The following MYBBP1A variants were observed in gnomAD, a reference collection of about 807,000 sequenced individuals.
MYBBP1A encodes MYB binding protein 1a, also known as myb-binding protein 1A.
In MYBBP1A, 147 loss-of-function variants were observed where a neutral mutation model predicts 136.3. The ratio of observed to expected loss-of-function variants is 1.08; its 90% CI spans 0.94 to 1.24. MYBBP1A has a LOEUF of 1.24. MYBBP1A is among the 50% of genes most tolerant of loss of function. MYBBP1A has a pLI of 0.00. For synonymous variants in MYBBP1A, 947 were observed against 735.8 expected (o/e 1.29, Z -4.65); for missense variants, 2,060 against 1,727.4 (o/e 1.19, Z -3.41).
At position 4,539,395 on chromosome 17, in the gene MYBBP1A, A is replaced by AG. The variant is rs749559751; in HGVS notation, c.*19dup. On this transcript the variant is annotated 3_prime_UTR_variant, in exon 26 of 26. Transcript: ENST00000254718. Reference sequence around the variant, plus strand: ...CTCAGGCAGATGGAGGCAGGGGCTGAGGGGGGCCCGTACCTGTGCTCAGGG... The same window carrying AG: ...CTCAGGCAGATGGAGGCAGGGGCTGAGGGGGGGCCCGTACCTGTGCTCAGGG... The AG allele has an allele frequency of 7.3e-5, 114 of 1,568,620 alleles. No homozygotes were observed. In the African/African-American group the frequency reaches 1.3e-3, roughly 18 times the overall value.
rs1324164354 is a variant in MYBBP1A, at chr17:4,552,072, G to A, written c.905+53C>T. 8.1e-6 allele frequency: 13 copies of A among 1,600,240 alleles called. No homozygotes were observed. The highest frequency in any genetic ancestry group is 1.1e-5 in the Non-Finnish European group (13 of 1,172,424). ...TGGGAACCTCAGGACTAGTGGCCTA[G>A]CCCACTTCACGGACAGGGAAGGGGG... On this transcript the variant is annotated intron_variant, in intron 7 of 25. Transcript: ENST00000254718. The surrounding 1 kb of genome is among the most constrained non-coding windows in gnomAD (Gnocchi z 4.7).
Position 4,553,907 on chromosome 17 carries a change from G to A in MYBBP1A, c.464C>T (p.Ala155Val), listed in dbSNP as rs1161638247. Reference sequence around the variant, plus strand: ...CAGCAGCTTCACCGACTTCATCAGTGCCTCCTGGTCCTGGTCCCCACAGAG... The same window carrying A: ...CAGCAGCTTCACCGACTTCATCAGTACCTCCTGGTCCTGGTCCCCACAGAG... ...QSGRLVKDQE[A>V]LMKSVKLLQA... The change falls in exon 5 of 26, where the codon GCA becomes GTA. Residue 155 changes from alanine (A) to valine (V), a missense_variant. Physicochemically the swap from Ala to Val is moderately conservative, Grantham distance 64. Transcript: ENST00000254718. 1.2e-6 allele frequency: 2 copies of A among 1,614,026 alleles called. No homozygotes were observed. The highest frequency in any genetic ancestry group is 1.7e-6 in the Non-Finnish European group (2 of 1,179,992).
At position 4,541,491 on chromosome 17, in the gene MYBBP1A, T is replaced by C. The variant is rs746066470; in HGVS notation, c.3269A>G (p.Asn1090Ser). ...QQALSSLELL[N>S]VLFRTCKHEK... ...ATGTTTGCAGGTCCTGAAGAGAACG[T>C]TGAGCAGCTCCAGGGAGGACAGTGC... Residue 1090 changes from asparagine (N) to serine (S), a missense_variant, in exon 24 of 26, where the codon AAC (asparagine) becomes AGC (serine). Asn to Ser is a conservative substitution (Grantham distance 46). Transcript: ENST00000254718. 73 of 1,613,426 alleles carry C rather than the reference T, an allele frequency of 4.5e-5. No individual in the cohort carries two copies. The highest frequency in any genetic ancestry group is 5.8e-5 in the Non-Finnish European group (68 of 1,180,024).
At position 4,539,405 on chromosome 17, in the gene MYBBP1A, G is replaced by T. The variant is rs370984190; in HGVS notation, c.*10C>A. On this transcript the variant is annotated 3_prime_UTR_variant, in exon 26 of 26. Coordinates refer to ENST00000254718, the MANE Select transcript of MYBBP1A (RefSeq NM_014520.4). Reference sequence around the variant, plus strand: ...TGGAGGCAGGGGCTGAGGGGGGCCCGTACCTGTGCTCAGGGCTTCCCTGCC... The same window carrying T: ...TGGAGGCAGGGGCTGAGGGGGGCCCTTACCTGTGCTCAGGGCTTCCCTGCC... The T allele has an allele frequency of 7.5e-6, 12 of 1,599,524 alleles. No homozygotes were observed. The highest frequency in any genetic ancestry group is 9.4e-6 in the Non-Finnish European group (11 of 1,170,706).
Position 4,542,943 on chromosome 17 carries a change from A to G in MYBBP1A, c.2862T>C (p.Thr954=), listed in dbSNP as rs148530760. The G allele has an allele frequency of 1.2e-6, 2 of 1,613,908 alleles. No individual in the cohort carries two copies. Among genetic ancestry groups the G allele is most frequent in the Non-Finnish European group, 1.7e-6 (2 of 1,180,006 alleles). Residue 954 remains threonine, a synonymous_variant, in exon 20 of 26, where the codon ACT becomes ACC. Transcript: ENST00000254718. ...GGCCCGTGGGCATGTGGCTGGGGTCAGTGCCAGCTTTCTGCTTCTCCTGTG... is the reference window on the plus strand; with the variant it reads ...GGCCCGTGGGCATGTGGCTGGGGTCGGTGCCAGCTTTCTGCTTCTCCTGTG... ...HETQEKQKAG[T]DPSHMPTGPQ...
At chr17:4,547,356 A>G (rs1907099158) in intron 13 of MYBBP1A, among the ~76,000 whole-genome samples, 1 of 152,114 alleles carries the variant, frequency 6.6e-6, no homozygotes, top group African/African-American at 2.4e-5. Flanking sequence ...TGACGTCAAG[A>G]ATTGGAAGGG....
At position 4,552,730 on chromosome 17, in the gene MYBBP1A, GTCA is replaced by G; in HGVS notation, c.562-107_562-105del. 7 of 1,050,548 alleles carry G rather than the reference GTCA, an allele frequency of 6.7e-6. No homozygotes were observed. Among genetic ancestry groups the G allele is most frequent in the Non-Finnish European group, 8.1e-6 (6 of 737,396 alleles). The allele number at this position is 1,050,548 out of a possible 1,614,324, so 65.1% of individuals were successfully genotyped here. On this transcript the variant is annotated intron_variant, in intron 5 of 25. Coordinates refer to ENST00000254718, the MANE Select transcript of MYBBP1A (RefSeq NM_014520.4). This position sits in a 1 kb window ranked among gnomAD's most constrained non-coding sequence, Gnocchi z 4.7. ...CGGGGCCACCTGGTGAGGTATCAGA[GTCA>G]TCAGAGGCCAGTTGCTAACAAAACT...
chr17:4,544,986 G>GCCCGGCCCCCC, intron 17 of MYBBP1A, 40 bp downstream of exon 17: 1 of 1,464,168 alleles, frequency 6.8e-7, no homozygotes, highest in Non-Finnish European at 9.1e-7. Flanking sequence ...GGACACCCGA[G>GCCCGGCCCCCC]CCCTCCCCGG....
intron 15 of MYBBP1A, 118 bp from the exon 16 acceptor site, chr17:4,545,463 G>A (rs1170438536): frequency 5.3e-6 from 8 of 1,500,106 alleles, no homozygotes; most frequent in African/African-American, 1.4e-5. Context: ...AGGAGAGGCG[G>A]CCAGGCCAGG....
chr17:4,540,074 G>A, intron 25 of MYBBP1A, 107 bp from the exon 26 acceptor site: 2 of 1,349,934 alleles, frequency 1.5e-6, no homozygotes, highest in Non-Finnish European at 2.0e-6. Context: ...AGGCCCCTAG[G>A]TTCTGTGAGG....
Position 4,539,662 on chromosome 17 carries a change from T to A in MYBBP1A, c.3740A>T (p.Lys1247Ile), listed in dbSNP as rs1284897440. 1 of 1,610,564 alleles carries A rather than the reference T, an allele frequency of 6.2e-7. No homozygotes were observed. Among genetic ancestry groups the A allele is most frequent in the African/African-American group, 1.3e-5 (1 of 74,604 alleles). The change falls in exon 26 of 26, where the codon AAA (lysine) becomes ATA (isoleucine). Residue 1247 changes from lysine (K) to isoleucine (I), a missense_variant. Coordinates refer to ENST00000254718, the MANE Select transcript of MYBBP1A (RefSeq NM_014520.4). ...APTRSPSTPA[K>I]SPKLQKKNQK... The stretch of plus-strand genomic sequence containing the variant: ...GTTTTTCTTCTGCAGTTTTGGGGAT[T>A]TGGCAGGGGTGCTGGGGCTCCGGGT...
chr17:4,544,429 G>C, intron 19 of MYBBP1A, 60 bp downstream of exon 19: 1 of 1,534,202 alleles, frequency 6.5e-7, no homozygotes. Flanking sequence ...CTAGAGCTCT[G>C]GCTCTCCTGC....
At chr17:4,541,078 C>A (rs1376254789) in intron 24 of MYBBP1A, among the ~76,000 whole-genome samples, 1 of 152,252 alleles carries the variant, frequency 6.6e-6, no homozygotes, top group Non-Finnish European at 1.5e-5. Context: ...TGCCTCCCAG[C>A]CCTGCCCTGA....
rs555080780 is a variant in MYBBP1A at position 4,553,198 on chromosome 17, G to A, written c.562-572C>T. On this transcript the variant is annotated intron_variant, in intron 5 of 25. Coordinates refer to ENST00000254718, the MANE Select transcript of MYBBP1A (RefSeq NM_014520.4). Reference sequence around the variant, plus strand: ...ATTTCATACACGAGGAGCCCTAGGTGGAGAGCTGGGATTCGAATTCAGGTC... The same window carrying A: ...ATTTCATACACGAGGAGCCCTAGGTAGAGAGCTGGGATTCGAATTCAGGTC... Among the ~76,000 whole-genome samples, 510 of 152,328 alleles carry A rather than the reference G, an allele frequency of 3.3e-3. 4 individuals carry two copies. Among genetic ancestry groups the A allele is most frequent in the African/African-American group, 0.011 (476 of 41,564 alleles).
At position 4,542,914 on chromosome 17, in the gene MYBBP1A, T is replaced by C. The variant is rs923021605; in HGVS notation, c.2891A>G (p.Gln964Arg). ...GCTCCTGGGCCAGGCCCTGCTCACC[T>C]GCGGGCCCGTGGGCATGTGGCTGGG... ...TDPSHMPTGP[Q>R]AASCLDLNLV... The change falls in exon 20 of 26, where the codon CAG becomes CGG. Residue 964 changes from glutamine to arginine, a missense_variant and splice_region_variant. Physicochemically the swap from Gln to Arg is conservative, Grantham distance 43. Coordinates refer to ENST00000254718, the MANE Select transcript of MYBBP1A (RefSeq NM_014520.4). 1.2e-6 allele frequency: 2 copies of C among 1,613,782 alleles called. No individual in the cohort carries two copies. The highest frequency in any genetic ancestry group is 1.7e-6 in the Non-Finnish European group (2 of 1,179,936).
chr17:4,553,994 C>T (rs573142261), intron 4 of MYBBP1A, 25 bp downstream of exon 4: 2 of 1,613,708 alleles, frequency 1.2e-6, no homozygotes, highest in East Asian at 2.2e-5. Flanking sequence ...AGCCTACATT[C>T]CCCCAGTCCC....
At position 4,548,389 on chromosome 17, in the gene MYBBP1A, G is replaced by T. The variant is rs1224896757; in HGVS notation, c.1557-79C>A. Reference sequence around the variant, plus strand: ...CCTCCCTCCGCCCTCCCCAGGGCTCGGTCTCCCGCCTCTCCAGGACCTACT... The same window carrying T: ...CCTCCCTCCGCCCTCCCCAGGGCTCTGTCTCCCGCCTCTCCAGGACCTACT... On this transcript the variant is annotated intron_variant, in intron 11 of 25. Transcript: ENST00000254718. The surrounding 1 kb of genome is among the most constrained non-coding windows in gnomAD (Gnocchi z 4.2). 1 of 1,599,848 alleles carries T rather than the reference G, an allele frequency of 6.3e-7. No individual in the cohort carries two copies. Among genetic ancestry groups the T allele is most frequent in the Non-Finnish European group, 8.5e-7 (1 of 1,170,990 alleles).
chr17:4,541,550 C>A lies in MYBBP1A; in HGVS notation c.3210G>T (p.Leu1070=), dbSNP rs557472707. 3 of 1,612,714 alleles carry A rather than the reference C, an allele frequency of 1.9e-6. No individual in the cohort carries two copies. The highest frequency in any genetic ancestry group is 3.3e-5 in the Admixed American group (2 of 60,028). Residue 1070 remains leucine (L), a synonymous_variant, in exon 24 of 26, where the codon CTG becomes CTT. Transcript: ENST00000254718. The stretch of plus-strand genomic sequence containing the variant: ...GCTGCGCCTTGGTCTGCGCCTCCCC[C>A]AGCACGCGCAAGTTCTAGGGAAGGG... ...LAKVTENLRV[L]GEAQTKAQHQ... is the part of the protein sequence containing the mutation.
In MYBBP1A at chr17:4,538,922, G is replaced by T. The variant is rs202098334; in HGVS notation, c.*493C>A. On this transcript the variant is annotated 3_prime_UTR_variant, in exon 26 of 26. Transcript: ENST00000254718. ...CCGAGTGTTGCCTCCTCTTCCTTCC[G>T]GAAGCCAAACTGCTCCTTTATTTTT... 1 of 782,390 alleles carries T rather than the reference G, an allele frequency of 1.3e-6. No individual in the cohort carries two copies. The highest frequency in any genetic ancestry group is 2.4e-6 in the Non-Finnish European group (1 of 419,448). The allele number at this position is 782,390 out of a possible 1,614,324, so 48.5% of individuals were successfully genotyped here. A position where few individuals can be genotyped will look rare whatever the true frequency, so the allele number is the denominator to read the frequency against.
Sources: allele counts gnomAD v4.1 joint callset (sites outside exome capture counted in the v4.1 genomes callset), GRCh38; gene constraint gnomAD v4.1.1; non-coding constraint Gnocchi (gnomAD v3.1); transcripts MANE v1.5; gene names NCBI Gene and HGNC (gene_info 2026-07-23, HGNC 2026-07-21).